Variants in CNTNAP3B observed in about 807,000 individuals in gnomAD.
CNTNAP3B encodes the protein contactin associated protein family member 3B.
CNTNAP3B carries 25 observed loss-of-function variants against 108.9 expected under a neutral mutation model. The ratio of observed to expected loss-of-function variants is 0.23; its 90% CI spans 0.17 to 0.32. The LOEUF is 0.32. Ranked by LOEUF, CNTNAP3B falls within the 10% of genes least tolerant of loss-of-function variation. CNTNAP3B has a pLI of 1.00. For synonymous variants in CNTNAP3B, 103 were observed against 473.4 expected, an observed-to-expected ratio of 0.22 and a Z score of 10.16; for missense variants, 252 against 1,210.4, an observed-to-expected ratio of 0.21 and a Z score of 11.75.
intron 3 of CNTNAP3B, among the ~76,000 whole-genome samples, chr9:42,043,218 AGTGCAGTG>A (rs1826803406): frequency 9.5e-6 from 1 of 104,756 alleles, no homozygotes; most frequent in South Asian, 3.1e-4. Flanking sequence ...CCCAGGTTGG[AGTGCAGTG>A]GTGGGATCTC....
At chr9:41,935,728 T>A (rs1824137349) in intron 14 of CNTNAP3B, among the ~76,000 whole-genome samples, 1 of 152,250 alleles carries the variant, frequency 6.6e-6, no homozygotes, top group Non-Finnish European at 1.5e-5. Flanking sequence ...GCAAAGTAAA[T>A]AAAATAAGGT....
At chr9:41,942,097 G>A (rs1327906871) in intron 13 of CNTNAP3B, among the ~76,000 whole-genome samples, 1 of 152,286 alleles carries the variant, frequency 6.6e-6, no homozygotes, top group Non-Finnish European at 1.5e-5. Flanking sequence ...TTACCCAAGG[G>A]AAGGGGAAGG....
intron 14 of CNTNAP3B, among the ~76,000 whole-genome samples, chr9:41,932,520 CT>C (rs1304300088): frequency 9.4e-3 from 105 of 11,156 alleles, no homozygotes; most frequent in East Asian, 0.026. Context: ...TTTTTTTCTT[CT>C]TTTTTTTTTT....
Position 42,090,799 on chromosome 9 carries a change from C to T in CNTNAP3B, c.197-13737G>A, listed in dbSNP as rs1399904872. On this transcript the variant is annotated intron_variant, in intron 2 of 23. Coordinates refer to ENST00000377561, the MANE Select transcript of CNTNAP3B (RefSeq NM_001201380.3). ...ATGTACTGACATATATATACACACA[C>T]TCACACTGACCGTATATATGTATAT... is the stretch of plus-strand genomic sequence containing the variant. Among the ~76,000 whole-genome samples the T allele has an allele frequency of 4.6e-5, 4 of 86,248 alleles. 1 individual carries two copies. Among genetic ancestry groups the T allele is most frequent in the African/African-American group, 1.3e-4 (3 of 22,918 alleles). 56.6% of individuals were successfully genotyped at this position (86,248 alleles called of 152,430 possible).
intron 11 of CNTNAP3B, among the ~76,000 whole-genome samples, chr9:41,962,324 C>T (rs1360035151): frequency 6.6e-6 from 1 of 152,282 alleles, no homozygotes; most frequent in Non-Finnish European, 1.5e-5. Context: ...CTATAGCCGT[C>T]AATTATTAGA....
intron 13 of CNTNAP3B, among the ~76,000 whole-genome samples, chr9:41,940,163 C>G (rs1473668390): frequency 1.3e-5 from 2 of 152,272 alleles, no homozygotes; most frequent in African/African-American, 4.8e-5. Flanking sequence ...AAAGAGAGAA[C>G]AAAGTGTGCT....
At position 42,029,782 on chromosome 9, in the gene CNTNAP3B, G is replaced by A. The variant is rs1826478993; in HGVS notation, c.391-16257C>T. ...CTGACCTCGTGATCTGCCCACCTTG[G>A]CCTCCCAAAGTGCTGGGATTACAGG... is the stretch of plus-strand genomic sequence containing the variant. On this transcript the variant is annotated intron_variant, in intron 3 of 23. Coordinates refer to ENST00000377561, the MANE Select transcript of CNTNAP3B (RefSeq NM_001201380.3). 2.9e-5 allele frequency among the ~76,000 whole-genome samples: 3 copies of A among 104,432 alleles called. 1 individual carries two copies. Among genetic ancestry groups the A allele is most frequent in the South Asian group, 6.7e-4 (2 of 2,980 alleles). The allele number at this position is 104,432 out of a possible 152,430, so 68.5% of individuals were successfully genotyped here. A position where few individuals can be genotyped will look rare whatever the true frequency, so the allele number is the denominator to read the frequency against.
intron 7 of CNTNAP3B, among the ~76,000 whole-genome samples, chr9:41,995,730 CAAAAAAAAA>C (rs1167589988): frequency 4.5e-5 from 3 of 66,400 alleles, no homozygotes; most frequent in African/African-American, 2.2e-4. Flanking sequence ...GACTCCGTCT[CAAAAAAAAA>C]AAAAAAAAAA....
intron 14 of CNTNAP3B, among the ~76,000 whole-genome samples, chr9:41,937,470 T>G (rs1410579561): frequency 2.1e-4 from 32 of 149,676 alleles, no homozygotes; most frequent in Middle Eastern, 3.4e-3. Flanking sequence ...TCTAGTTGTT[T>G]TATGACAATG....
chr9:41,928,634 T>G (rs1315616280), intron 15 of CNTNAP3B, among the ~76,000 whole-genome samples: 2 of 152,282 alleles, frequency 1.3e-5, no homozygotes, highest in African/African-American at 4.8e-5. Flanking sequence ...CCCCACACAT[T>G]GAGGTAGAAC....
intron 15 of CNTNAP3B, among the ~76,000 whole-genome samples, 190 bp from the exon 16 acceptor site, chr9:41,924,283 T>C (rs1170423498): frequency 9.2e-5 from 14 of 152,416 alleles, no homozygotes; most frequent in African/African-American, 2.2e-4. Context: ...ACGCTGAGGA[T>C]TGGAATTCTG....
chr9:42,098,843 C>T (rs1013511802), intron 2 of CNTNAP3B, among the ~76,000 whole-genome samples: 2 of 130,446 alleles, frequency 1.5e-5, no homozygotes, highest in Admixed American at 1.5e-4. Flanking sequence ...GTATCCACTC[C>T]TGGAAGGCTG....
At chr9:42,054,538 T>C (rs1414673906) in intron 3 of CNTNAP3B, among the ~76,000 whole-genome samples, 1 of 151,772 alleles carries the variant, frequency 6.6e-6, no homozygotes, top group Admixed American at 6.6e-5. Context: ...GGCCAGGTGT[T>C]TGTTAGGGGC....
intron 3 of CNTNAP3B, among the ~76,000 whole-genome samples, chr9:42,071,558 G>T (rs550867077): frequency 1.4e-5 from 2 of 138,832 alleles, no homozygotes; most frequent in African/African-American, 5.7e-5. Flanking sequence ...AAAATATGTG[G>T]CAATTTACAG....
At chr9:41,913,442 AT>A (rs1265213423) in intron 18 of CNTNAP3B, among the ~76,000 whole-genome samples, 1 of 151,626 alleles carries the variant, frequency 6.6e-6, no homozygotes, top group Non-Finnish European at 1.5e-5. Flanking sequence ...CTTCTGACTT[AT>A]TATTTTGTGT....
intron 3 of CNTNAP3B, among the ~76,000 whole-genome samples, chr9:42,037,259 T>A (rs1261218813): frequency 4.0e-5 from 5 of 124,928 alleles, no homozygotes; most frequent in Non-Finnish European, 8.4e-5. Flanking sequence ...ACCCTAAAAC[T>A]TAAAGTATAA....
chr9:41,953,271 C>A lies in CNTNAP3B; in HGVS notation c.1992G>T (p.Gly664=), dbSNP rs767276270. The A allele has an allele frequency of 1.3e-3, 2,009 of 1,527,090 alleles. No homozygotes were observed. Among genetic ancestry groups the A allele is most frequent in the Non-Finnish European group, 1.7e-3 (1,951 of 1,144,892 alleles). 94.6% of individuals were successfully genotyped at this position (1,527,090 alleles called of 1,614,324 possible). The change falls in exon 13 of 24, where the codon GGG becomes GGT. Residue 664 remains glycine, a synonymous_variant. Transcript: ENST00000377561. ...CCAGGTTCACCGCGGCCCGCAGCTG[C>A]CCCGCGCCCGCTGCGTACGCGAAGG... ...AVSFAYAAGA[G]QLRAAVNLAE... is the part of the protein sequence containing the mutation.
chr9:41,926,606 C>T (rs920162390), intron 15 of CNTNAP3B: 5 of 152,314 alleles, frequency 3.3e-5, no homozygotes, highest in Non-Finnish European at 5.9e-5. Flanking sequence ...GGACTACAGG[C>T]CACCATGCCC....
At chr9:41,959,471 G>A (rs1364690283) in intron 12 of CNTNAP3B, among the ~76,000 whole-genome samples, 3 of 152,288 alleles carry the variant, frequency 2.0e-5, no homozygotes. Context: ...CAACTTTTCT[G>A]AGCCTTGATT....
Sources: gnomAD v4.1 joint callset for allele counts (sites outside exome capture counted in the v4.1 genomes callset) on GRCh38, gnomAD v4.1.1 for gene constraint, MANE v1.5 for transcripts, NCBI Gene and HGNC (gene_info 2026-07-23, HGNC 2026-07-21) for gene names.